Variants in VPS54 observed in about 807,000 individuals in gnomAD.
VPS54 encodes vacuolar protein sorting-associated protein 54.
In VPS54, 45 loss-of-function variants were observed where a neutral mutation model predicts 121.5. The observed-to-expected ratio is 0.37, with a 90% CI of 0.29 to 0.47. The LOEUF is 0.47. Among genes scored for constraint, VPS54 ranks in the 20% least tolerant of loss-of-function variants. VPS54 has a pLI of 0.99. For synonymous variants in VPS54, 371 were observed against 385.8 expected (o/e 0.96, Z 0.45); for missense variants, 1,090 against 1,131.4 (o/e 0.96, Z 0.52).
At chr2:63,981,289 ATGC>A (rs1316497776) in intron 3 of VPS54, among the ~76,000 whole-genome samples, 1 of 152,152 alleles carries the variant, frequency 6.6e-6, no homozygotes, top group Non-Finnish European at 1.5e-5. Flanking sequence ...ATAGAATTGT[ATGC>A]AGTGAATCAG....
In VPS54 at chr2:63,976,979, C is replaced by T. The variant is rs1428878450; in HGVS notation, c.378+4667G>A. On this transcript the variant is annotated intron_variant, in intron 3 of 22. Coordinates refer to ENST00000272322, the MANE Select transcript of VPS54 (RefSeq NM_016516.3). ...AAGTAGCTGGGATGACAGGTGCCTA[C>T]CACCATACCCAGCTAATTTTTGTAC... is the stretch of plus-strand genomic sequence containing the variant. Among the ~76,000 whole-genome samples, 5 of 151,980 alleles carry T rather than the reference C, an allele frequency of 3.3e-5. 1 individual carries two copies. The highest frequency in any genetic ancestry group is 9.7e-5 in the African/African-American group (4 of 41,362).
chr2:63,946,463 TTTTCA>T (rs1674983875), intron 9 of VPS54, among the ~76,000 whole-genome samples: 1 of 152,110 alleles, frequency 6.6e-6, no homozygotes, highest in African/African-American at 2.4e-5. Flanking sequence ...TGCCAACAAT[TTTTCA>T]AAGTGGTTGT....
chr2:63,924,287 T>G (rs1673792929), intron 12 of VPS54, among the ~76,000 whole-genome samples: 1 of 152,340 alleles, frequency 6.6e-6, no homozygotes, highest in East Asian at 1.9e-4. Context: ...CAAGCTTCCC[T>G]TATAGCTAGA....
intron 22 of VPS54, among the ~76,000 whole-genome samples, chr2:63,893,853 A>C (rs1672330495): frequency 6.6e-6 from 1 of 152,238 alleles, no homozygotes; most frequent in Admixed American, 6.5e-5. Flanking sequence ...AGGCTAAACT[A>C]AAATGTTTTT....
intron 3 of VPS54, 49 bp downstream of exon 3, chr2:63,981,597 A>G: frequency 6.6e-7 from 1 of 1,507,436 alleles, no homozygotes. Context: ...TACTAAAAAT[A>G]TTTCTATTAC....
At chr2:63,903,236 T>C (rs1045155470) in intron 20 of VPS54, among the ~76,000 whole-genome samples, 2 of 152,138 alleles carry the variant, frequency 1.3e-5, no homozygotes, top group African/African-American at 4.8e-5. Flanking sequence ...AAACAATGAA[T>C]TACAGCAGAC....
At chr2:63,967,697 C>T (rs866987650) in intron 5 of VPS54, among the ~76,000 whole-genome samples, 28 of 86,676 alleles carry the variant, frequency 3.2e-4, no homozygotes, top group African/African-American at 6.3e-4. Flanking sequence ...CCAGCCTGGG[C>T]GACAGAGAGA....
chr2:63,909,714 G>A (rs758618774), intron 20 of VPS54, among the ~76,000 whole-genome samples: 3 of 122,706 alleles, frequency 2.4e-5, no homozygotes, highest in South Asian at 2.4e-4. Flanking sequence ...GACCTCGCCT[G>A]GCCGTTTTTG....
chr2:63,954,400 AG>A (rs1675395976), intron 7 of VPS54, among the ~76,000 whole-genome samples: 1 of 152,168 alleles, frequency 6.6e-6, no homozygotes, highest in Admixed American at 6.6e-5. Context: ...TTATCTTTGG[AG>A]GATGCTAGAT....
chr2:63,934,646 C>G (rs927968811), intron 11 of VPS54, among the ~76,000 whole-genome samples: 3 of 152,010 alleles, frequency 2.0e-5, no homozygotes, highest in African/African-American at 7.3e-5. Context: ...GCAACTCTAT[C>G]CCATTATCCA....
At chr2:63,995,604 T>C (rs1238653091) in intron 1 of VPS54, among the ~76,000 whole-genome samples, 1 of 152,260 alleles carries the variant, frequency 6.6e-6, no homozygotes, top group Non-Finnish European at 1.5e-5. Context: ...GCAAGCCAAT[T>C]CCACCAAATG....
At chr2:63,917,145 G>A (rs776716972) in intron 15 of VPS54, among the ~76,000 whole-genome samples, 182 bp from the exon 16 acceptor site, 9 of 152,066 alleles carry the variant, frequency 5.9e-5, no homozygotes, top group Non-Finnish European at 4.4e-5. Flanking sequence ...GAGAGATTTG[G>A]ATTTGAGTAC....
intron 20 of VPS54, among the ~76,000 whole-genome samples, 164 bp from the exon 21 acceptor site, chr2:63,899,745 T>C (rs1672598381): frequency 6.6e-6 from 1 of 152,220 alleles, no homozygotes; most frequent in Non-Finnish European, 1.5e-5. Context: ...ATACAAATCT[T>C]GAGAACTTTT....
intron 5 of VPS54, among the ~76,000 whole-genome samples, chr2:63,966,478 A>T (rs943807525): frequency 4.6e-5 from 7 of 152,198 alleles, no homozygotes; most frequent in Non-Finnish European, 8.8e-5. Flanking sequence ...CGACCAGCTA[A>T]GCAATAAGGC....
intron 10 of VPS54, among the ~76,000 whole-genome samples, chr2:63,943,707 T>TTTTCTTTCTTTC (rs36057474): frequency 1.5e-4 from 19 of 130,792 alleles, no homozygotes; most frequent in Admixed American, 2.4e-4. Context: ...GGAATTTTTC[T>TTTTCTTTCTTTC]TTTCTTTCTT....
chr2:63,914,170 A>G lies in VPS54; in HGVS notation c.2334+12T>C. On this transcript the variant is annotated intron_variant, in intron 17 of 22. Transcript: ENST00000272322. Reference sequence around the variant, plus strand: ...GAAAAATTTTTCCATAATGGAGTGAAGTCATACATACCTTCAATAAATCTG... The same window carrying G: ...GAAAAATTTTTCCATAATGGAGTGAGGTCATACATACCTTCAATAAATCTG... The G allele has an allele frequency of 1.2e-6, 2 of 1,603,638 alleles. No homozygotes were observed. Among genetic ancestry groups the G allele is most frequent in the Non-Finnish European group, 1.7e-6 (2 of 1,171,810 alleles).
At chr2:63,950,526 T>G (rs887939713) in intron 7 of VPS54, among the ~76,000 whole-genome samples, 1 of 152,312 alleles carries the variant, frequency 6.6e-6, no homozygotes, top group East Asian at 1.9e-4. Context: ...ACTTCCTGAC[T>G]TCAGAGACAA....
At chr2:63,936,625 TA>T (rs1399120697) in intron 11 of VPS54, among the ~76,000 whole-genome samples, 1 of 152,306 alleles carries the variant, frequency 6.6e-6, no homozygotes, top group African/African-American at 2.4e-5. Context: ...AAGCTGCATT[TA>T]AAGGCTGTTA....
chr2:63,983,846 A>C lies in VPS54; in HGVS notation c.136+18T>G, dbSNP rs1438415965. 1 of 483,466 alleles carries C rather than the reference A, an allele frequency of 2.1e-6. No homozygotes were observed. The highest frequency in any genetic ancestry group is 5.1e-5 in the Admixed American group (1 of 19,664). 29.9% of individuals were successfully genotyped at this position (483,466 alleles called of 1,614,324 possible). A position where few individuals can be genotyped will look rare whatever the true frequency, so the allele number is the denominator to read the frequency against. On this transcript the variant is annotated intron_variant, in intron 2 of 22. Transcript: ENST00000272322. ...TAGAAATCATCAGTAAAAATCCTAC[A>C]AAAAAAAAAAGCATTACCTGTGGGT...
Sources: allele counts gnomAD v4.1 joint callset (sites outside exome capture counted in the v4.1 genomes callset), GRCh38; gene constraint gnomAD v4.1.1; transcripts MANE v1.5; gene names NCBI Gene and HGNC (gene_info 2026-07-23, HGNC 2026-07-21).